The following ATG2B variants were observed in gnomAD, a reference collection of about 807,000 sequenced individuals.
The protein encoded by ATG2B is autophagy-related protein 2 homolog B.
In ATG2B, 121 loss-of-function variants were observed where a neutral mutation model predicts 241.3. That is an observed-to-expected ratio of 0.50 (90% CI 0.43 to 0.58). ATG2B has a LOEUF of 0.58. Ranked by LOEUF, ATG2B falls within the 20% of genes least tolerant of loss-of-function variation. The pLI is 0.00. For missense variants in ATG2B, 2,306 were observed against 2,491.6 expected, an observed-to-expected ratio of 0.93 and a Z score of 1.59; for synonymous variants, 858 against 876.6, an observed-to-expected ratio of 0.98 and a Z score of 0.37.
chr14:96,320,617 A>G (rs1887434595), intron 18 of ATG2B, among the ~76,000 whole-genome samples: 1 of 152,200 alleles, frequency 6.6e-6, no homozygotes, highest in Non-Finnish European at 1.5e-5. Context: ...TTAGAAATGA[A>G]GTGGTAAATA....
rs1441333527 is a variant in ATG2B, at chr14:96,331,633, G to C, written c.1473C>G (p.Leu491=). 6.3e-7 allele frequency: 1 copy of C among 1,589,308 alleles called. No individual in the cohort carries two copies. Among genetic ancestry groups the C allele is most frequent in the Admixed American group, 1.9e-5 (1 of 53,486 alleles). Reference sequence around the variant, plus strand: ...CATCCACTGAAACAGATCTAGATGGGAGAGCTAAAATACAAGTATTAAAAT... The same window carrying C: ...CATCCACTGAAACAGATCTAGATGGCAGAGCTAAAATACAAGTATTAAAAT... ...VHPTPLQKTS[L]PSRSVSVDES... is the part of the protein sequence containing the mutation. Residue 491 remains leucine (L), a synonymous_variant, in exon 11 of 42, where the codon CTC becomes CTG. Coordinates refer to ENST00000359933, the MANE Select transcript of ATG2B (RefSeq NM_018036.7).
chr14:96,343,081 T>C, intron 5 of ATG2B, 38 bp downstream of exon 5: 1 of 1,456,114 alleles, frequency 6.9e-7, no homozygotes, highest in Non-Finnish European at 9.1e-7. Flanking sequence ...TTTTAAAAAA[T>C]CTATGATTAT....
Position 96,328,574 on chromosome 14 carries a change from C to G in ATG2B, c.1975-39G>C, listed in dbSNP as rs747003535. 2.6e-6 allele frequency: 4 copies of G among 1,558,800 alleles called. No individual in the cohort carries two copies. The African/African-American group carries it at 5.5e-5, about 22-fold the overall frequency. ...AAAAGAAAAGGCATTAATACAATCACTAAAAACTACTATATAATTGGGTTA... is the reference window on the plus strand; with the variant it reads ...AAAAGAAAAGGCATTAATACAATCAGTAAAAACTACTATATAATTGGGTTA... On this transcript the variant is annotated intron_variant, in intron 13 of 41. Coordinates refer to ENST00000359933, the MANE Select transcript of ATG2B (RefSeq NM_018036.7).
At chr14:96,341,812 G>A in intron 5 of ATG2B, 111 bp from the exon 6 acceptor site, 2 of 885,698 alleles carry the variant, frequency 2.3e-6, no homozygotes, top group Non-Finnish European at 3.2e-6. Flanking sequence ...ATGTAAAACT[G>A]TATGATGTTA....
chr14:96,307,867 A>C (rs1032251656), intron 29 of ATG2B, among the ~76,000 whole-genome samples: 5 of 152,134 alleles, frequency 3.3e-5, no homozygotes, highest in African/African-American at 1.2e-4. Context: ...CATATATTTT[A>C]ATATGTTTAC....
intron 21 of ATG2B, among the ~76,000 whole-genome samples, chr14:96,316,138 T>C (rs1434456751): frequency 6.6e-6 from 1 of 152,180 alleles, no homozygotes; most frequent in Non-Finnish European, 1.5e-5. Context: ...TGCAAATCCA[T>C]AGAAACAGAG....
chr14:96,313,710 TAATAAA>T (rs1428448828), intron 23 of ATG2B, among the ~76,000 whole-genome samples: 1 of 152,150 alleles, frequency 6.6e-6, no homozygotes, highest in Non-Finnish European at 1.5e-5. Context: ...ACCTTATATA[TAATAAA>T]AATAAATTTT....
In ATG2B at chr14:96,362,919, T is replaced by C. The variant is rs1247864065; in HGVS notation, c.58A>G (p.Arg20Gly). ...TCCTGCAGAAAGTGGCCCAGGTACC[T>C]CTGCAGGAGGTACCGGCAGGCCCTC... ...KKRACRYLLQ[R>G]YLGHFLQEKL... is the part of the protein sequence containing the mutation. Residue 20 changes from arginine (R) to glycine (G), a missense_variant, in exon 1 of 42, where the codon AGG becomes GGG. Physicochemically the swap from Arg to Gly is moderately radical, Grantham distance 125. Coordinates refer to ENST00000359933, the MANE Select transcript of ATG2B (RefSeq NM_018036.7). 3 of 1,613,582 alleles carry C rather than the reference T, an allele frequency of 1.9e-6. No individual in the cohort carries two copies. The highest frequency in any genetic ancestry group is 2.5e-6 in the Non-Finnish European group (3 of 1,179,886).
chr14:96,343,950 T>G (rs79570059), intron 4 of ATG2B, among the ~76,000 whole-genome samples: 4,603 of 152,344 alleles, frequency 0.03, 110 homozygotes, highest in South Asian at 0.047. Flanking sequence ...AGACCCCCAG[T>G]AGATCCATGT....
chr14:96,321,028 C>T (rs1422779204), intron 18 of ATG2B, among the ~76,000 whole-genome samples: 2 of 151,866 alleles, frequency 1.3e-5, no homozygotes, highest in Admixed American at 6.6e-5. Context: ...TAAAGTTAAA[C>T]GTAAGTGATA....
rs527584647 is a variant in ATG2B at position 96,317,300 on chromosome 14, C to T, written c.3055G>A (p.Glu1019Lys). 1 of 1,612,290 alleles carries T rather than the reference C, an allele frequency of 6.2e-7. No homozygotes were observed. Among genetic ancestry groups the T allele is most frequent in the East Asian group, 2.2e-5 (1 of 44,812 alleles). ...GAAAAATACTGCAAAGTCTCCTCCT[C>T]AGATCCACTTTCCTCATCTATGAGA... ...AVHYDEESGS[E>K]EETLQYFSTV... The change falls in exon 20 of 42, where the codon GAG (glutamate) becomes AAG (lysine). Residue 1019 changes from glutamate to lysine, a missense_variant. Transcript: ENST00000359933.
At chr14:96,342,057 CCTCTT>C (rs1419598884) in intron 5 of ATG2B, among the ~76,000 whole-genome samples, 17 of 152,124 alleles carry the variant, frequency 1.1e-4, no homozygotes, top group Admixed American at 5.2e-4. Context: ...AAAGGACTCT[CCTCTT>C]GGAAGGGATT....
chr14:96,303,304 T>C (rs758856465), intron 32 of ATG2B, 49 bp from the exon 33 acceptor site: 3 of 1,356,216 alleles, frequency 2.2e-6, no homozygotes, highest in Admixed American at 2.8e-5. Context: ...ACATTCCTTT[T>C]ATTAAATTGT....
chr14:96,329,710 A>G lies in ATG2B; in HGVS notation c.1731-76T>C, dbSNP rs139742948. The G allele has an allele frequency of 7.6e-6, 7 of 920,526 alleles. No individual in the cohort carries two copies. The East Asian group carries it at 1.6e-4, about 20-fold the overall frequency. The allele number at this position is 920,526 out of a possible 1,614,324, so 57.0% of individuals were successfully genotyped here. A position where few individuals can be genotyped will look rare whatever the true frequency, so the allele number is the denominator to read the frequency against. On this transcript the variant is annotated intron_variant, in intron 11 of 41. Transcript: ENST00000359933. ...TTATCCACCTAGTCTGACAAGTTCA[A>G]GTTATCAATAATTAATACTCCTAAG...
At chr14:96,345,868 C>A (rs1432983695) in intron 2 of ATG2B, among the ~76,000 whole-genome samples, 1 of 152,192 alleles carries the variant, frequency 6.6e-6, no homozygotes, top group South Asian at 2.1e-4. Flanking sequence ...TGGCTGTGTT[C>A]CAATAAAACT....
At chr14:96,362,586 T>G (rs1161180204) in intron 1 of ATG2B, among the ~76,000 whole-genome samples, 1 of 152,200 alleles carries the variant, frequency 6.6e-6, no homozygotes, top group Non-Finnish European at 1.5e-5. Flanking sequence ...ATTCCCACAG[T>G]GTAGATTCCA....
intron 15 of ATG2B, chr14:96,324,238 T>A (rs1169342941): frequency 4.5e-6 from 2 of 440,998 alleles, no homozygotes; most frequent in African/African-American, 4.1e-5. Context: ...AAGTACATAA[T>A]GACATAGTAA....
Position 96,303,071 on chromosome 14 carries a change from T to C in ATG2B, c.5027A>G (p.His1676Arg). The C allele has an allele frequency of 1.3e-6, 2 of 1,589,572 alleles. No homozygotes were observed. The highest frequency in any genetic ancestry group is 1.7e-6 in the Non-Finnish European group (2 of 1,167,126). The part of the protein sequence containing the change: ...YCSKEMPRKA[H>R]SNMLTVKALH... ...GAGGTTAACTCTTACCATGTTGGAG[T>C]GAGCTTTTCGAGGCATTTCTTTACT... The change falls in exon 33 of 42, where the codon CAC (histidine) becomes CGC (arginine). Residue 1676 changes from histidine to arginine, a missense_variant. Around this residue, in one of 2 missense-constraint regions of ATG2B, gnomAD observed 1,927 missense variants for 2,011.2 expected, o/e 0.96. Coordinates refer to ENST00000359933, the MANE Select transcript of ATG2B (RefSeq NM_018036.7).
chr14:96,341,818 T>C, intron 5 of ATG2B, 117 bp from the exon 6 acceptor site: 1 of 830,416 alleles, frequency 1.2e-6, no homozygotes, highest in South Asian at 2.8e-5. Flanking sequence ...AACTGTATGA[T>C]GTTACAATGG....
Sources: gnomAD v4.1 joint callset for allele counts (sites outside exome capture counted in the v4.1 genomes callset) on GRCh38, gnomAD v4.1.1 for gene constraint, gnomAD v4.1.1 regional missense constraint, MANE v1.5 for transcripts, NCBI Gene and HGNC (gene_info 2026-07-23, HGNC 2026-07-21) for gene names.